NBPF26: variants seen among roughly 807,000 people sequenced by gnomAD.
NBPF26 encodes the protein NBPF family member NBPF26.
Under a neutral mutation model 119.6 loss-of-function variants are expected in NBPF26, and 79 were observed. That is an observed-to-expected ratio of 0.66 (90% CI 0.55 to 0.80). The LOEUF (loss-of-function observed/expected upper bound fraction) is 0.80. Ranked by LOEUF, NBPF26 falls within the 30% of genes least tolerant of loss-of-function variation. NBPF26 has a pLI of 0.00. For missense variants in NBPF26, 800 were observed against 1,198.2 expected, an observed-to-expected ratio of 0.67 and a Z score of 4.91; for synonymous variants, 299 against 457.7, an observed-to-expected ratio of 0.65 and a Z score of 4.43.
At chr1:120,821,889 T>G (rs1182984278) in intron 15 of NBPF26, among the ~76,000 whole-genome samples, 1 of 120,416 alleles carries the variant, frequency 8.3e-6, no homozygotes, top group Admixed American at 7.9e-5. Context: ...CTGTGGCAAA[T>G]GTACTGAGCA....
rs1651322896 is a variant in NBPF26, at chr1:120,778,379, A to G, written c.156-6595A>G. ...CTGTTCAAAGAATTTTCTGCTGGAA[A>G]CTAGCCCAGAGGGAGTAAAGAGGAG... is the stretch of plus-strand genomic sequence containing the variant. On this transcript the variant is annotated intron_variant, in intron 2 of 29. Transcript: ENST00000620612. Among the ~76,000 whole-genome samples the G allele has an allele frequency of 1.9e-5, 2 of 106,354 alleles. 1 individual carries two copies. The highest frequency in any genetic ancestry group is 3.5e-5 in the Non-Finnish European group (2 of 57,576). 69.8% of individuals were successfully genotyped at this position (106,354 alleles called of 152,430 possible).
chr1:120,724,286 C>G lies in NBPF26; in HGVS notation c.73+36C>G, dbSNP rs1260427747. The G allele has an allele frequency of 1.5e-6, 2 of 1,373,392 alleles. 1 individual carries two copies. Among genetic ancestry groups the G allele is most frequent in the East Asian group, 5.1e-5 (2 of 39,332 alleles). The allele number at this position is 1,373,392 out of a possible 1,614,324, so 85.1% of individuals were successfully genotyped here. A position where few individuals can be genotyped will look rare whatever the true frequency, so the allele number is the denominator to read the frequency against. ...GGCTGAGGGGCGCTGTCCGCGGCGC[C>G]CGGGGCTGCCACCTGGGGCGACCCT... On this transcript the variant is annotated intron_variant, in intron 1 of 29. Coordinates refer to ENST00000620612, the Ensembl canonical transcript of NBPF26.
intron 1 of NBPF26, among the ~76,000 whole-genome samples, chr1:120,730,597 A>T (rs1470058985): frequency 8.7e-6 from 1 of 115,412 alleles, no homozygotes; most frequent in Non-Finnish European, 1.6e-5. Flanking sequence ...CTCCTGTCTC[A>T]CTTTTTGGAG....
At chr1:120,823,855 T>A in intron 17 of NBPF26, 119 bp from the exon 18 acceptor site, 1 of 536,078 alleles carries the variant, frequency 1.9e-6, no homozygotes, top group Non-Finnish European at 3.3e-6. Flanking sequence ...TGTTACCTCA[T>A]TAATGGATCT....
chr1:120,727,992 T>A (rs2101341375), intron 1 of NBPF26, among the ~76,000 whole-genome samples: 1 of 119,444 alleles, frequency 8.4e-6, no homozygotes, highest in East Asian at 2.1e-4. Context: ...GGTCCTCCAT[T>A]TTCTGATGTT....
At chr1:120,752,552 A>AT (rs1386751525) in intron 1 of NBPF26, among the ~76,000 whole-genome samples, 75 of 8,972 alleles carry the variant, frequency 8.4e-3, no homozygotes, top group South Asian at 9.8e-3. Flanking sequence ...ATATATATAT[A>AT]TATTTTTTTT....
At chr1:120,733,128 T>G (rs1650881728) in intron 1 of NBPF26, among the ~76,000 whole-genome samples, 1 of 92,882 alleles carries the variant, frequency 1.1e-5, no homozygotes, top group South Asian at 2.9e-4. Flanking sequence ...TATATATATA[T>G]ATATGTTTAG....
chr1:120,810,935 T>C (rs1651846106), intron 9 of NBPF26, among the ~76,000 whole-genome samples: 1 of 108,676 alleles, frequency 9.2e-6, no homozygotes, highest in African/African-American at 5.5e-5. Context: ...TTTCATTGGC[T>C]TGTCTTAGCT....
At position 120,822,377 on chromosome 1, in the gene NBPF26, GC is replaced by G; in HGVS notation, c.2587+111del. 4.5e-6 allele frequency: 3 copies of G among 662,502 alleles called. No individual in the cohort carries two copies. The South Asian group carries it at 4.9e-5, about 11-fold the overall frequency. The allele number at this position is 662,502 out of a possible 1,614,324, so 41.0% of individuals were successfully genotyped here. On this transcript the variant is annotated intron_variant, in intron 16 of 29. Transcript: ENST00000620612. ...GGGCTGAGATTTGCCATCACTGTGGGCTGAACCTATATATCAATGTAGATTT... is the reference window on the plus strand; with the variant it reads ...GGGCTGAGATTTGCCATCACTGTGGGTGAACCTATATATCAATGTAGATTT...
intron 1 of NBPF26, among the ~76,000 whole-genome samples, chr1:120,734,453 G>A (rs1271988135): frequency 1.3e-5 from 1 of 75,322 alleles, no homozygotes; most frequent in African/African-American, 8.6e-5. Context: ...CAGTTAGACC[G>A]AGACTCAAAT....
rs1156707718 is a variant in NBPF26, at chr1:120,792,909, A to T, written c.416-252A>T. On this transcript the variant is annotated intron_variant, in intron 3 of 29. Transcript: ENST00000620612. Reference sequence around the variant, plus strand: ...TAGCGTCCTGCAGGATTGGGCTTCAATGTGACTAACCTACAATTGCCTCCA... The same window carrying T: ...TAGCGTCCTGCAGGATTGGGCTTCATTGTGACTAACCTACAATTGCCTCCA... 2.1e-4 allele frequency among the ~76,000 whole-genome samples: 12 copies of T among 55,970 alleles called. 4 individuals carry two copies. The African/African-American group carries it at 2.2e-3, about 10-fold the overall frequency. 36.7% of individuals were successfully genotyped at this position (55,970 alleles called of 152,430 possible).
chr1:120,807,380 A>G (rs1651723822), intron 5 of NBPF26, among the ~76,000 whole-genome samples: 1 of 124,598 alleles, frequency 8.0e-6, no homozygotes, highest in Non-Finnish European at 1.6e-5. Flanking sequence ...CATCTTGTCA[A>G]CTTCCTTGAT....
At chr1:120,733,133 G>T (rs1444203905) in intron 1 of NBPF26, among the ~76,000 whole-genome samples, 74,880 of 94,848 alleles carry the variant, frequency 0.79, 32,989 homozygotes, top group African/African-American at 0.89. Flanking sequence ...ATATATATAT[G>T]TTTAGTTTAT....
Position 120,840,541 on chromosome 1 carries a change from C to T in NBPF26, c.4295C>T (p.Thr1432Met), listed in dbSNP as rs141827934. Residue 1432 changes from threonine to methionine, a missense_variant, in exon 30 of 30, where the codon ACG becomes ATG. Around this residue, in one of 13 missense-constraint regions of NBPF26, gnomAD observed 155 missense variants for 95.9 expected, o/e 1.62. Coordinates refer to ENST00000620612, the Ensembl canonical transcript of NBPF26. ...GTGGACAATAGGTTTTTTACTTTGA[C>T]GGTGACAAGTCTCCACCTGGTGTTC... is the stretch of plus-strand genomic sequence containing the variant. 553 of 1,468,678 alleles carry T rather than the reference C, an allele frequency of 3.8e-4. 95 individuals carry two copies. The highest frequency in any genetic ancestry group is 2.5e-3 in the East Asian group (113 of 44,408). The allele number at this position is 1,468,678 out of a possible 1,614,324, so 91.0% of individuals were successfully genotyped here.
At chr1:120,822,931 C>G (rs1652151443) in intron 16 of NBPF26, among the ~76,000 whole-genome samples, 1 of 125,120 alleles carries the variant, frequency 8.0e-6, no homozygotes, top group Non-Finnish European at 1.6e-5. Flanking sequence ...TCTCTGTGTC[C>G]ACAATCTCAT....
At chr1:120,832,619 T>C (rs1344611332) in intron 22 of NBPF26, among the ~76,000 whole-genome samples, 2 of 121,250 alleles carry the variant, frequency 1.6e-5, no homozygotes, top group Non-Finnish European at 3.2e-5. Context: ...ATGGCATAAC[T>C]GTTTGCACAA....
chr1:120,816,867 G>A, intron 14 of NBPF26, 40 bp downstream of exon 14: 2 of 1,451,252 alleles, frequency 1.4e-6, no homozygotes, highest in East Asian at 4.6e-5. Flanking sequence ...CTCTTTCTTG[G>A]CTGAGGAAGA....
At chr1:120,810,920 C>T (rs1392633618) in intron 9 of NBPF26, among the ~76,000 whole-genome samples, 1 of 108,450 alleles carries the variant, frequency 9.2e-6, no homozygotes, top group Non-Finnish European at 1.8e-5. Flanking sequence ...TAGACTCTCT[C>T]TCCTTTTCAT....
In NBPF26 at chr1:120,784,811, T is replaced by C. The variant is rs1392897101; in HGVS notation, c.156-163T>C. Among the ~76,000 whole-genome samples the C allele has an allele frequency of 8.4e-5, 10 of 119,154 alleles. 2 individuals carry two copies. The highest frequency in any genetic ancestry group is 2.4e-4 in the Admixed American group (3 of 12,540). The allele number at this position is 119,154 out of a possible 152,430, so 78.2% of individuals were successfully genotyped here. A position where few individuals can be genotyped will look rare whatever the true frequency, so the allele number is the denominator to read the frequency against. Reference sequence around the variant, plus strand: ...CATGGGAGTACGTGGTTAAGTTCTCTAAGGACTCTTTCTTCTAAAGGGAAG... The same window carrying C: ...CATGGGAGTACGTGGTTAAGTTCTCCAAGGACTCTTTCTTCTAAAGGGAAG... On this transcript the variant is annotated intron_variant, in intron 2 of 29. Coordinates refer to ENST00000620612, the Ensembl canonical transcript of NBPF26.
Sources: allele counts gnomAD v4.1 joint callset (sites outside exome capture counted in the v4.1 genomes callset), GRCh38; gene constraint gnomAD v4.1.1; regional missense constraint gnomAD v4.1.1; transcripts MANE v1.5; gene names NCBI Gene and HGNC (gene_info 2026-07-23, HGNC 2026-07-21).